UBE2E3: variants seen among roughly 807,000 people sequenced by gnomAD.
UBE2E3 encodes ubiquitin-conjugating enzyme E2 E3.
Under a neutral mutation model 23.6 loss-of-function variants are expected in UBE2E3, and 5 were observed. The ratio of observed to expected loss-of-function variants is 0.21; its 90% CI spans 0.11 to 0.44. UBE2E3 has a LOEUF of 0.44. Ranked by LOEUF, UBE2E3 falls within the 20% of genes least tolerant of loss-of-function variation. UBE2E3 has a pLI of 0.99. For missense variants in UBE2E3, 81 were observed against 249.8 expected, an observed-to-expected ratio of 0.32 and a Z score of 4.55; for synonymous variants, 78 against 87.5, an observed-to-expected ratio of 0.89 and a Z score of 0.60.
At chr2:181,007,134 G>T (rs942348228) in intron 3 of UBE2E3, among the ~76,000 whole-genome samples, 1 of 151,992 alleles carries the variant, frequency 6.6e-6, no homozygotes, top group Non-Finnish European at 1.5e-5. Context: ...CCAGTAGTCT[G>T]TGGTGACTTT....
At chr2:181,012,211 C>T (rs1031581264) in intron 3 of UBE2E3, among the ~76,000 whole-genome samples, 2 of 152,134 alleles carry the variant, frequency 1.3e-5, no homozygotes, top group Non-Finnish European at 2.9e-5. Context: ...ACATTAACAA[C>T]ACTGATTAGT....
intron 3 of UBE2E3, among the ~76,000 whole-genome samples, chr2:181,006,993 A>G (rs1265009176): frequency 6.6e-6 from 1 of 152,208 alleles, no homozygotes; most frequent in African/African-American, 2.4e-5. Flanking sequence ...AAATGTTAGG[A>G]AACAAATAAT....
chr2:180,991,280 A>G (rs1341536119), intron 3 of UBE2E3, among the ~76,000 whole-genome samples: 2 of 152,118 alleles, frequency 1.3e-5, no homozygotes, highest in South Asian at 2.1e-4. Flanking sequence ...CTGAAAGTTG[A>G]GATAGTATTG....
chr2:180,987,779 T>G (rs1210044589), intron 3 of UBE2E3, among the ~76,000 whole-genome samples: 2 of 152,128 alleles, frequency 1.3e-5, no homozygotes, highest in East Asian at 3.8e-4. Flanking sequence ...GCTACCACTT[T>G]CCATCATTTT....
chr2:181,005,702 C>T (rs900604189), intron 3 of UBE2E3, among the ~76,000 whole-genome samples: 8 of 152,028 alleles, frequency 5.3e-5, no homozygotes, highest in Admixed American at 1.3e-4. Context: ...TAATTTGTTA[C>T]GGTTATATAG....
chr2:181,059,991 A>G (rs1027150789), intron 4 of UBE2E3, among the ~76,000 whole-genome samples: 2 of 151,486 alleles, frequency 1.3e-5, no homozygotes, highest in Non-Finnish European at 3.0e-5. Flanking sequence ...GTTTGTTCTT[A>G]TGATTTATCT....
At chr2:181,000,556 C>CT (rs112131285) in intron 3 of UBE2E3, among the ~76,000 whole-genome samples, 8,555 of 138,548 alleles carry the variant, frequency 0.062, 424 homozygotes, top group African/African-American at 0.14. Context: ...AAAGAATAAC[C>CT]TTTTTTTTTT....
intron 3 of UBE2E3, among the ~76,000 whole-genome samples, chr2:181,050,878 G>A (rs1280758329): frequency 6.6e-6 from 1 of 151,780 alleles, no homozygotes; most frequent in East Asian, 1.9e-4. Context: ...ATAGAGCTCT[G>A]GTGTGCTTTG....
chr2:181,031,535 T>C (rs1019129907), intron 3 of UBE2E3, among the ~76,000 whole-genome samples: 3 of 152,294 alleles, frequency 2.0e-5, no homozygotes, highest in East Asian at 3.9e-4. Context: ...TCTGACAGTC[T>C]TTTAAGAGTT....
intron 3 of UBE2E3, among the ~76,000 whole-genome samples, chr2:181,045,879 G>GA (rs796170250): frequency 0.016 from 2,279 of 146,630 alleles, 58 homozygotes; most frequent in African/African-American, 0.053. Context: ...TGTTGGGACA[G>GA]AAAAAAAAAA....
At chr2:181,054,073 C>G (rs1686920486) in intron 3 of UBE2E3, among the ~76,000 whole-genome samples, 1 of 151,812 alleles carries the variant, frequency 6.6e-6, no homozygotes, top group African/African-American at 2.4e-5. Context: ...GGAGGTACCA[C>G]AGTTTATATA....
At chr2:180,980,524 G>T (rs1248369588), upstream of UBE2E3, 1 of 148,092 alleles carries the variant, frequency 6.8e-6, no homozygotes, top group African/African-American at 2.4e-5. This position sits in a 1 kb window ranked among gnomAD's most constrained non-coding sequence, Gnocchi z 5.5. Context: ...GCCGGGCGTC[G>T]GCGGCGCGCG....
chr2:181,044,206 T>C (rs982851919), intron 3 of UBE2E3, among the ~76,000 whole-genome samples: 1 of 152,136 alleles, frequency 6.6e-6, no homozygotes, highest in African/African-American at 2.4e-5. Flanking sequence ...ATTATTTTTA[T>C]TTTGTTGAGT....
chr2:181,058,805 G>GGT (rs1208516767), intron 4 of UBE2E3, among the ~76,000 whole-genome samples: 1 of 151,684 alleles, frequency 6.6e-6, no homozygotes, highest in Non-Finnish European at 1.5e-5. Flanking sequence ...TGTCTAACAA[G>GGT]GTAACGAGTG....
intron 3 of UBE2E3, among the ~76,000 whole-genome samples, chr2:180,985,113 T>A (rs1295483758): frequency 1.3e-5 from 2 of 152,188 alleles, no homozygotes; most frequent in African/African-American, 4.8e-5. Context: ...TTATTGTGTA[T>A]GTTAACTGGA....
intron 3 of UBE2E3, among the ~76,000 whole-genome samples, chr2:181,004,430 C>A (rs892905200): frequency 6.6e-6 from 1 of 152,008 alleles, no homozygotes. Flanking sequence ...GTCAAGAGAT[C>A]GGGACCATCC....
At chr2:181,007,217 A>G (rs1164960191) in intron 3 of UBE2E3, among the ~76,000 whole-genome samples, 1 of 152,214 alleles carries the variant, frequency 6.6e-6, no homozygotes, top group Non-Finnish European at 1.5e-5. Flanking sequence ...CCTTTGAGTA[A>G]GCTGAGAGAA....
At chr2:181,020,124 A>G (rs1270527755) in intron 3 of UBE2E3, among the ~76,000 whole-genome samples, 1 of 152,180 alleles carries the variant, frequency 6.6e-6, no homozygotes, top group Admixed American at 6.5e-5. Flanking sequence ...GCCATAACCA[A>G]GTACCACAAA....
At chr2:181,053,971 C>T (rs1322317712) in intron 3 of UBE2E3, among the ~76,000 whole-genome samples, 1 of 151,800 alleles carries the variant, frequency 6.6e-6, no homozygotes, top group Non-Finnish European at 1.5e-5. Context: ...ATTGGGTTCT[C>T]CCACTTACTA....
Sources: gnomAD v4.1 joint callset for allele counts (sites outside exome capture counted in the v4.1 genomes callset) on GRCh38, gnomAD v4.1.1 for gene constraint, Gnocchi (gnomAD v3.1) non-coding constraint, MANE v1.5 for transcripts, NCBI Gene and HGNC (gene_info 2026-07-23, HGNC 2026-07-21) for gene names.